MARCHF8: variants seen among roughly 807,000 people sequenced by gnomAD.
The protein encoded by MARCHF8 is E3 ubiquitin-protein ligase MARCHF8.
MARCHF8 carries 40 observed loss-of-function variants against 51.6 expected under a neutral mutation model. That is an observed-to-expected ratio of 0.77 (90% CI 0.60 to 1.01). The LOEUF is 1.01. MARCHF8 is among the 50% of genes least tolerant of loss of function. MARCHF8 has a pLI of 0.00. For synonymous variants in MARCHF8, 263 were observed against 280.3 expected (o/e 0.94, Z 0.62); for missense variants, 685 against 708.6 (o/e 0.97, Z 0.38).
intron 1 of MARCHF8, among the ~76,000 whole-genome samples, chr10:45,591,829 TTA>T (rs1210514075): frequency 1.3e-5 from 2 of 152,174 alleles, no homozygotes; most frequent in African/African-American, 4.8e-5. Flanking sequence ...TTCCTTGCCC[TTA>T]TCCACTTCTT....
At chr10:45,510,890 T>C (rs1179510998) in intron 2 of MARCHF8, among the ~76,000 whole-genome samples, 1 of 152,174 alleles carries the variant, frequency 6.6e-6, no homozygotes, top group Non-Finnish European at 1.5e-5. Flanking sequence ...ATGACCCCTT[T>C]GGTTCCTCTG....
intron 2 of MARCHF8, among the ~76,000 whole-genome samples, chr10:45,498,307 A>G (rs1211394140): frequency 6.6e-6 from 1 of 152,200 alleles, no homozygotes; most frequent in South Asian, 2.1e-4. Context: ...ACAATTCCCT[A>G]TATCTTCCTA....
chr10:45,512,364 G>A lies in MARCHF8; in HGVS notation c.102+20746C>T, dbSNP rs528021006. Among the ~76,000 whole-genome samples, 518 of 148,494 alleles carry A rather than the reference G, an allele frequency of 3.5e-3. 14 individuals are homozygous for A. The highest frequency in any genetic ancestry group is 0.03 in the Admixed American group (444 of 15,018). ...GGGAGGGAGGTGGGGGTCAGCCCCC[G>A]CCAGGCCAGCCGCCCCGTCCAGGAG... On this transcript the variant is annotated intron_variant, in intron 2 of 7. Transcript: ENST00000453424.
chr10:45,546,267 T>C (rs1178139092), intron 1 of MARCHF8, among the ~76,000 whole-genome samples: 1 of 152,040 alleles, frequency 6.6e-6, no homozygotes, highest in Non-Finnish European at 1.5e-5. Context: ...TTCAAGCGAT[T>C]GCGCTGCCTC....
At chr10:45,589,274 G>C (rs1206100787) in intron 1 of MARCHF8, among the ~76,000 whole-genome samples, 1 of 152,138 alleles carries the variant, frequency 6.6e-6, no homozygotes, top group Non-Finnish European at 1.5e-5. Flanking sequence ...TGGCCAAGCT[G>C]TGGGATCCTC....
intron 1 of MARCHF8, among the ~76,000 whole-genome samples, chr10:45,572,529 G>A (rs547305993): frequency 2.0e-5 from 3 of 152,140 alleles, no homozygotes; most frequent in South Asian, 2.1e-4. Context: ...GCCAGAAAAC[G>A]GCATTTTCGA....
intron 2 of MARCHF8, 23 bp downstream of exon 2, chr10:45,533,087 T>G: frequency 1.3e-6 from 2 of 1,566,486 alleles, no homozygotes; most frequent in Non-Finnish European, 1.7e-6. Flanking sequence ...ATAATGAAAC[T>G]AAAAAAGATA....
Position 45,463,754 on chromosome 10 carries a change from C to A in MARCHF8, c.485G>T (p.Gly162Val). 1.3e-6 allele frequency: 2 copies of A among 1,551,206 alleles called. No individual in the cohort carries two copies. The highest frequency in any genetic ancestry group is 1.7e-6 in the Non-Finnish European group (2 of 1,147,154). Residue 162 changes from glycine (G) to valine (V), a missense_variant, in exon 5 of 8, where the codon GGT becomes GTT. Transcript: ENST00000453424. ...TTCTGAAGTATCCTGCGCCTTCTCA[C>A]CCACATCATTGAGGGACCTTGAGAA... ...LKFSRSLNDV[G>V]EKAQDTSESF...
chr10:45,564,041 C>T (rs971105913), intron 1 of MARCHF8, among the ~76,000 whole-genome samples: 2 of 152,266 alleles, frequency 1.3e-5, no homozygotes, highest in East Asian at 1.9e-4. Flanking sequence ...TTTGGGAGGC[C>T]GTGGCAGGTG....
chr10:45,541,417 T>A (rs957120882), intron 1 of MARCHF8, among the ~76,000 whole-genome samples: 1 of 152,020 alleles, frequency 6.6e-6, no homozygotes, highest in East Asian at 1.9e-4. Context: ...CCGGGGCCTG[T>A]TGCGGGGTGG....
At chr10:45,489,236 G>T (rs756327682) in intron 3 of MARCHF8, 131 bp downstream of exon 3, 5 of 708,186 alleles carry the variant, frequency 7.1e-6, no homozygotes, top group Non-Finnish European at 1.2e-5. Flanking sequence ...TATGGTCCCA[G>T]AACAGATTAC....
At chr10:45,469,819 C>A (rs987269655) in intron 3 of MARCHF8, among the ~76,000 whole-genome samples, 2 of 118,520 alleles carry the variant, frequency 1.7e-5, no homozygotes, top group African/African-American at 6.5e-5. Flanking sequence ...GAGCCGAGAT[C>A]GCGCCACTGC....
At position 45,463,430 on chromosome 10, in the gene MARCHF8, C is replaced by T; in HGVS notation, c.809G>A (p.Ser270Asn). Reference sequence around the variant, plus strand: ...ATGGAACCTGTGCAGGCTGCTGGCGCTCAAGCCGTGCGAGAGTGAGAACAG... The same window carrying T: ...ATGGAACCTGTGCAGGCTGCTGGCGTTCAAGCCGTGCGAGAGTGAGAACAG... ...QYLFSLSHGLSASSLHRFHEL... is the reference protein window; with the variant it reads ...QYLFSLSHGLNASSLHRFHEL... Residue 270 changes from serine (S) to asparagine (N), a missense_variant, in exon 5 of 8, where the codon AGC becomes AAC. Coordinates refer to ENST00000453424, the MANE Select transcript of MARCHF8 (RefSeq NM_001282866.2). 4 of 1,550,626 alleles carry T rather than the reference C, an allele frequency of 2.6e-6. No homozygotes were observed. Among genetic ancestry groups the T allele is most frequent in the Non-Finnish European group, 3.5e-6 (4 of 1,147,002 alleles).
chr10:45,498,241 T>C (rs1435699042), intron 2 of MARCHF8, among the ~76,000 whole-genome samples: 2 of 152,338 alleles, frequency 1.3e-5, no homozygotes, highest in Admixed American at 6.5e-5. Context: ...TTCACATTGT[T>C]GCACAATCTA....
chr10:45,491,508 C>A (rs1020850821), intron 2 of MARCHF8, among the ~76,000 whole-genome samples: 7 of 152,164 alleles, frequency 4.6e-5, no homozygotes, highest in African/African-American at 7.2e-5. Flanking sequence ...CACTGCACTG[C>A]ATTCCAGCCT....
chr10:45,461,080 A>G, intron 6 of MARCHF8, 151 bp downstream of exon 6: 1 of 479,988 alleles, frequency 2.1e-6, no homozygotes, highest in East Asian at 3.5e-5. Flanking sequence ...TCAGCACCAG[A>G]AACAACAATC....
intron 1 of MARCHF8, among the ~76,000 whole-genome samples, chr10:45,593,800 C>T (rs1207179808): frequency 6.6e-6 from 1 of 152,168 alleles, no homozygotes; most frequent in Non-Finnish European, 1.5e-5. Flanking sequence ...ACATAGCATG[C>T]AATCGAACAA....
chr10:45,590,651 C>T (rs2044668510), intron 1 of MARCHF8, among the ~76,000 whole-genome samples: 2 of 152,140 alleles, frequency 1.3e-5, no homozygotes, highest in Admixed American at 6.5e-5. Flanking sequence ...TAGCATGATG[C>T]CATTTATATA....
At chr10:45,514,321 C>A (rs771922963) in intron 2 of MARCHF8, among the ~76,000 whole-genome samples, 12 of 152,230 alleles carry the variant, frequency 7.9e-5, no homozygotes, top group Non-Finnish European at 1.8e-4. Context: ...GCTGACAGGG[C>A]ACGTCTCCTA....
Sources: gnomAD v4.1 joint callset for allele counts (sites outside exome capture counted in the v4.1 genomes callset) on GRCh38, gnomAD v4.1.1 for gene constraint, MANE v1.5 for transcripts, NCBI Gene and HGNC (gene_info 2026-07-23, HGNC 2026-07-21) for gene names.